Variants in CDH13 observed in about 807,000 individuals in gnomAD.
CDH13 encodes the protein cadherin-13.
In CDH13, 24 loss-of-function variants were observed where a neutral mutation model predicts 63.8. That is an observed-to-expected ratio of 0.38 (90% CI 0.27 to 0.53). CDH13 has a LOEUF of 0.53. CDH13 is among the 20% of genes least tolerant of loss of function. CDH13 has a pLI of 0.85. For missense variants in CDH13, 1,049 were observed against 903.1 expected (o/e 1.16, Z -2.07); for synonymous variants, 503 against 355.3 (o/e 1.42, Z -4.67).
chr16:83,217,829 G>A (rs572773739), intron 5 of CDH13, among the ~76,000 whole-genome samples: 2 of 152,284 alleles, frequency 1.3e-5, no homozygotes, highest in East Asian at 1.9e-4. Context: ...AGAGCTGGAA[G>A]AGGTATAAAC....
At chr16:82,715,961 C>A (rs1002214082) in intron 1 of CDH13, among the ~76,000 whole-genome samples, 1 of 152,182 alleles carries the variant, frequency 6.6e-6, no homozygotes, top group African/African-American at 2.4e-5. Context: ...AGAAACTAAG[C>A]CATGTGTCAC....
At chr16:83,192,778 G>A (rs1380651761) in intron 4 of CDH13, among the ~76,000 whole-genome samples, 1 of 152,138 alleles carries the variant, frequency 6.6e-6, no homozygotes, top group Admixed American at 6.5e-5. Flanking sequence ...CCTGATGCAT[G>A]CACCAGGCCA....
intron 5 of CDH13, among the ~76,000 whole-genome samples, chr16:83,338,107 T>C (rs997236905): frequency 6.6e-6 from 1 of 151,280 alleles, no homozygotes; most frequent in Non-Finnish European, 1.5e-5. Flanking sequence ...GTTCAGATTG[T>C]TTTAAGCCAA....
chr16:83,045,526 A>G (rs1819299014), intron 3 of CDH13, among the ~76,000 whole-genome samples: 1 of 151,326 alleles, frequency 6.6e-6, no homozygotes. Flanking sequence ...AATCCCAGCT[A>G]CTTGGGAGGC....
chr16:83,301,793 A>G (rs2089753382), intron 5 of CDH13, among the ~76,000 whole-genome samples: 1 of 151,368 alleles, frequency 6.6e-6, no homozygotes, highest in African/African-American at 2.4e-5. Context: ...TTTTTTCTGT[A>G]AAGTTTTGGC....
chr16:83,437,186 G>A (rs1198191007), intron 6 of CDH13, among the ~76,000 whole-genome samples: 1 of 151,992 alleles, frequency 6.6e-6, no homozygotes, highest in Non-Finnish European at 1.5e-5. Context: ...GAGTCCAGAA[G>A]GTGACTCTCA....
intron 6 of CDH13, among the ~76,000 whole-genome samples, chr16:83,368,466 T>G (rs1448358306): frequency 2.0e-5 from 3 of 152,202 alleles, no homozygotes; most frequent in African/African-American, 7.2e-5. Flanking sequence ...TTATTCACCA[T>G]GCCTAGTTGT....
chr16:82,819,887 C>T (rs181403298), intron 1 of CDH13, among the ~76,000 whole-genome samples: 1 of 152,218 alleles, frequency 6.6e-6, no homozygotes, highest in East Asian at 1.9e-4. Context: ...GTGATATATG[C>T]AATGGGAATA....
rs533597809 is a variant in CDH13, at chr16:83,583,000, A to G, written c.961-19454A>G. ...ATTTATTCAGTTTATTGACAATCCT[A>G]GAGCCCTGAAGTCCAAAATCAAAGT... is the stretch of plus-strand genomic sequence containing the variant. On this transcript the variant is annotated intron_variant, in intron 7 of 13. Transcript: ENST00000567109. 2.6e-4 allele frequency among the ~76,000 whole-genome samples: 40 copies of G among 152,298 alleles called. No homozygotes were observed. The South Asian group carries it at 6.6e-3, about 25-fold the overall frequency.
At chr16:82,705,731 A>T (rs1303344010) in intron 1 of CDH13, among the ~76,000 whole-genome samples, 1 of 152,222 alleles carries the variant, frequency 6.6e-6, no homozygotes, top group Non-Finnish European at 1.5e-5. Flanking sequence ...CTTTAAGAAG[A>T]TTAAGAGGCT....
chr16:83,266,378 G>C (rs945018057), intron 5 of CDH13, among the ~76,000 whole-genome samples: 1 of 152,184 alleles, frequency 6.6e-6, no homozygotes, highest in Non-Finnish European at 1.5e-5. Context: ...TAATTTTTAT[G>C]AATTCTACCC....
chr16:83,188,214 G>A lies in CDH13; in HGVS notation c.484-29131G>A, dbSNP rs57292481. Among the ~76,000 whole-genome samples the A allele has an allele frequency of 3.2e-3, 483 of 152,284 alleles. 3 individuals carry two copies. Among genetic ancestry groups the A allele is most frequent in the African/African-American group, 0.011 (468 of 41,552 alleles). ...CTTTATTGAATGGCTCTGGCTGACG[G>A]ATGGAGAATAGAATAGAGTGTGGAT... On this transcript the variant is annotated intron_variant, in intron 4 of 13. Transcript: ENST00000567109.
intron 10 of CDH13, among the ~76,000 whole-genome samples, chr16:83,704,971 T>A (rs1906792077): frequency 6.6e-6 from 1 of 152,222 alleles, no homozygotes; most frequent in Non-Finnish European, 1.5e-5. Context: ...ATTTAGAAAC[T>A]TGTAGATTTT....
chr16:82,794,380 C>G (rs557805312), intron 1 of CDH13, among the ~76,000 whole-genome samples: 2 of 110,918 alleles, frequency 1.8e-5, no homozygotes, highest in Non-Finnish European at 4.6e-5. Context: ...TTTAAATCAT[C>G]TGAACATCAG....
intron 1 of CDH13, among the ~76,000 whole-genome samples, chr16:82,718,828 G>T (rs965657797): frequency 6.6e-6 from 1 of 152,130 alleles, no homozygotes; most frequent in Non-Finnish European, 1.5e-5. Context: ...AAACACGTGG[G>T]AATTATGGGA....
rs141972908 is a variant in CDH13 at position 83,791,327 on chromosome 16, C to G, written c.2135-3696C>G. Among the ~76,000 whole-genome samples, 153 of 151,984 alleles carry G rather than the reference C, an allele frequency of 1.0e-3. 1 individual carries two copies. The highest frequency in any genetic ancestry group is 1.9e-3 in the Non-Finnish European group (132 of 67,976). On this transcript the variant is annotated intron_variant, in intron 13 of 13. Coordinates refer to ENST00000567109, the MANE Select transcript of CDH13 (RefSeq NM_001257.5). The stretch of plus-strand genomic sequence containing the variant: ...GCCTGACCAACATGGTGAAACTCAT[C>G]TCTACTAAAGCTATAAAAATTACCT...
chr16:83,176,018 T>G (rs1365593190), intron 4 of CDH13, among the ~76,000 whole-genome samples: 6 of 150,534 alleles, frequency 4.0e-5, no homozygotes, highest in South Asian at 2.1e-4. Flanking sequence ...TTTTTGTTTT[T>G]GTTTTTTTTT....
intron 1 of CDH13, among the ~76,000 whole-genome samples, chr16:82,641,707 C>T (rs1485754121): frequency 1.3e-5 from 2 of 152,222 alleles, no homozygotes; most frequent in Non-Finnish European, 2.9e-5. Context: ...CCCTCATTCA[C>T]GCATTCAGTC....
intron 7 of CDH13, among the ~76,000 whole-genome samples, chr16:83,515,374 A>G (rs1029080074): frequency 3.3e-5 from 5 of 152,156 alleles, no homozygotes; most frequent in Admixed American, 2.6e-4. Flanking sequence ...CTGTCGTTTT[A>G]TGCACTCACG....
Sources: gnomAD v4.1 joint callset for allele counts (sites outside exome capture counted in the v4.1 genomes callset) on GRCh38, gnomAD v4.1.1 for gene constraint, MANE v1.5 for transcripts, NCBI Gene and HGNC (gene_info 2026-07-23, HGNC 2026-07-21) for gene names.